The following RASA1 variants were observed in gnomAD, a reference collection of about 807,000 sequenced individuals.
The protein encoded by RASA1 is RAS p21 protein activator 1, also known as ras GTPase-activating protein 1.
Under a neutral mutation model 132.2 loss-of-function variants are expected in RASA1, and 25 were observed. That is an observed-to-expected ratio of 0.19 (90% CI 0.14 to 0.26). RASA1 has a LOEUF of 0.26. Among genes scored for constraint, RASA1 ranks in the 10% least tolerant of loss-of-function variants. The pLI is 1.00. For missense variants in RASA1, 964 were observed against 1,299.2 expected (o/e 0.74, Z 3.97); for synonymous variants, 477 against 449.9 (o/e 1.06, Z -0.76).
chr5:87,354,148 G>A (rs780970535), intron 9 of RASA1, among the ~76,000 whole-genome samples: 2 of 151,904 alleles, frequency 1.3e-5, no homozygotes, highest in African/African-American at 2.4e-5. Context: ...GGGGTGGGGT[G>A]GGAGGTGAGG....
At chr5:87,339,624 C>T (rs749308795) in intron 5 of RASA1, among the ~76,000 whole-genome samples, 1 of 151,952 alleles carries the variant, frequency 6.6e-6, no homozygotes, top group Non-Finnish European at 1.5e-5. Context: ...TCAATGTATA[C>T]AGAAAAATAA....
At chr5:87,284,915 A>G (rs1004316018) in intron 1 of RASA1, among the ~76,000 whole-genome samples, 1 of 152,068 alleles carries the variant, frequency 6.6e-6, no homozygotes, top group Non-Finnish European at 1.5e-5. Context: ...AAATAACCTA[A>G]TATTTTTGTT....
intron 1 of RASA1, among the ~76,000 whole-genome samples, chr5:87,327,464 C>T (rs1232254361): frequency 6.6e-6 from 1 of 152,168 alleles, no homozygotes; most frequent in Non-Finnish European, 1.5e-5. Flanking sequence ...AATGTAAAGA[C>T]TTGGCCGTAA....
chr5:87,382,635 G>A (rs1218194355), intron 20 of RASA1, among the ~76,000 whole-genome samples: 1 of 152,150 alleles, frequency 6.6e-6, no homozygotes, highest in African/African-American at 2.4e-5. Context: ...AGGCAGAATA[G>A]GAGTATCTAT....
intron 1 of RASA1, among the ~76,000 whole-genome samples, chr5:87,302,162 CAT>C (rs754457434): frequency 2.0e-5 from 3 of 152,112 alleles, no homozygotes; most frequent in Non-Finnish European, 4.4e-5. Context: ...TGAGTAGCAA[CAT>C]GTGAGAATTT....
chr5:87,301,261 C>T (rs560322781), intron 1 of RASA1, among the ~76,000 whole-genome samples: 1 of 152,234 alleles, frequency 6.6e-6, no homozygotes, highest in South Asian at 2.1e-4. Flanking sequence ...AATTTTAAAG[C>T]ATGCTCCCTT....
intron 22 of RASA1, among the ~76,000 whole-genome samples, chr5:87,386,555 A>G (rs1328642679): frequency 6.6e-6 from 1 of 152,042 alleles, no homozygotes; most frequent in Admixed American, 6.6e-5. Context: ...TTCTTTCATT[A>G]AAAATACCCA....
Position 87,391,064 on chromosome 5 carries a change from AG to A in RASA1, c.*182del, listed in dbSNP as rs568851393. 128 of 692,022 alleles carry A rather than the reference AG, an allele frequency of 1.8e-4. No individual in the cohort carries two copies. In the African/African-American group the frequency reaches 2.2e-3, roughly 12 times the overall value. The allele number at this position is 692,022 out of a possible 1,614,324, so 42.9% of individuals were successfully genotyped here. On this transcript the variant is annotated 3_prime_UTR_variant, in exon 25 of 25. Coordinates refer to ENST00000274376, the MANE Select transcript of RASA1 (RefSeq NM_002890.3). ...GAATAACTATGCCAGCAACCTTGTA[AG>A]CTATCTGTGCAGGATATTTGCACTA...
chr5:87,388,765 C>T (rs1190492112), intron 23 of RASA1, among the ~76,000 whole-genome samples: 2 of 152,150 alleles, frequency 1.3e-5, no homozygotes, highest in African/African-American at 4.8e-5. Context: ...TACTTATATG[C>T]ATTATCAACT....
rs952654415 is a variant in RASA1 at position 87,372,038 on chromosome 5, T to TG, written c.1699-79dup. ...TAGAGAAGGAAAAAATTGTTGAATT[T>TG]GAAAAAAAAAACCTAACTGATGATT... On this transcript the variant is annotated intron_variant, in intron 12 of 24. Coordinates refer to ENST00000274376, the MANE Select transcript of RASA1 (RefSeq NM_002890.3). 4.7e-4 allele frequency: 376 copies of TG among 799,694 alleles called. 1 individual carries two copies. The highest frequency in any genetic ancestry group is 6.3e-4 in the Non-Finnish European group (350 of 555,350). 49.5% of individuals were successfully genotyped at this position (799,694 alleles called of 1,614,324 possible). A position where few individuals can be genotyped will look rare whatever the true frequency, so the allele number is the denominator to read the frequency against.
chr5:87,325,331 T>C (rs917406967), intron 1 of RASA1, among the ~76,000 whole-genome samples: 7 of 152,132 alleles, frequency 4.6e-5, no homozygotes, highest in Non-Finnish European at 7.4e-5. Flanking sequence ...CAAGATGAGA[T>C]TTGGGTGGAG....
intron 2 of RASA1, among the ~76,000 whole-genome samples, chr5:87,332,113 T>C (rs1757651932): frequency 6.6e-6 from 1 of 152,154 alleles, no homozygotes; most frequent in East Asian, 1.9e-4. Flanking sequence ...ACATGTAGTA[T>C]GTGAAATTAT....
chr5:87,349,304 G>C lies in RASA1; in HGVS notation c.1193G>C (p.Arg398Pro). 1 of 1,612,050 alleles carries C rather than the reference G, an allele frequency of 6.2e-7. No individual in the cohort carries two copies. Among genetic ancestry groups the C allele is most frequent in the Non-Finnish European group, 8.5e-7 (1 of 1,178,770 alleles). Reference sequence around the variant, plus strand: ...TTCCGGACCAATGAAAATATTCAGCGATTTAAAATATGTCCAACGCCAAAC... The same window carrying C: ...TTCCGGACCAATGAAAATATTCAGCCATTTAAAATATGTCCAACGCCAAAC... ...LYFRTNENIQ[R>P]FKICPTPNNQ... Residue 398 changes from arginine (R) to proline (P), a missense_variant, in exon 8 of 25, where the codon CGA becomes CCA. Coordinates refer to ENST00000274376, the MANE Select transcript of RASA1 (RefSeq NM_002890.3).
chr5:87,272,922 C>A (rs1753910420), intron 1 of RASA1, among the ~76,000 whole-genome samples: 1 of 152,112 alleles, frequency 6.6e-6, no homozygotes, highest in African/African-American at 2.4e-5. Context: ...TAATATTTAT[C>A]TTTTGTAAAA....
chr5:87,303,223 G>A (rs1408387765), intron 1 of RASA1, among the ~76,000 whole-genome samples: 1 of 151,970 alleles, frequency 6.6e-6, no homozygotes. Flanking sequence ...GATACTTTGT[G>A]ACCTTTTTCA....
At chr5:87,323,393 A>G (rs1316069716) in intron 1 of RASA1, among the ~76,000 whole-genome samples, 1 of 152,172 alleles carries the variant, frequency 6.6e-6, no homozygotes, top group Non-Finnish European at 1.5e-5. Context: ...AAATGGGCAT[A>G]TTGTGGAGAA....
chr5:87,364,708 T>C (rs969003355), intron 11 of RASA1, among the ~76,000 whole-genome samples: 1 of 152,142 alleles, frequency 6.6e-6, no homozygotes, highest in African/African-American at 2.4e-5. Context: ...GGTTGAATCC[T>C]TCCTCAAACC....
At chr5:87,305,896 C>G (rs962193091) in intron 1 of RASA1, among the ~76,000 whole-genome samples, 4 of 152,204 alleles carry the variant, frequency 2.6e-5, no homozygotes, top group African/African-American at 9.6e-5. Context: ...CATCACTGAT[C>G]ATTAGAGAGA....
chr5:87,340,378 T>G (rs1356169564), intron 5 of RASA1, among the ~76,000 whole-genome samples: 1 of 152,114 alleles, frequency 6.6e-6, no homozygotes, highest in African/African-American at 2.4e-5. Flanking sequence ...GATTAACTCC[T>G]TTTGGGCAGT....
Sources: gnomAD v4.1 joint callset for allele counts (sites outside exome capture counted in the v4.1 genomes callset) on GRCh38, gnomAD v4.1.1 for gene constraint, MANE v1.5 for transcripts, NCBI Gene and HGNC (gene_info 2026-07-23, HGNC 2026-07-21) for gene names.